Variants in MIGA1 observed in about 807,000 individuals in gnomAD.
MIGA1 encodes the protein family with sequence similarity 73, member A.
In MIGA1, 58 loss-of-function variants were observed where a neutral mutation model predicts 82.0. The ratio of observed to expected loss-of-function variants is 0.71; its 90% CI spans 0.57 to 0.88. MIGA1 has a LOEUF of 0.88. Among genes scored for constraint, MIGA1 ranks in the 40% least tolerant of loss-of-function variants. The pLI is 0.00. For missense variants in MIGA1, 751 were observed against 749.1 expected (o/e 1.00, Z -0.03); for synonymous variants, 249 against 253.6 (o/e 0.98, Z 0.17).
At chr1:77,848,451 G>A in intron 8 of MIGA1, 1 of 945,174 alleles carries the variant, frequency 1.1e-6, no homozygotes, top group Non-Finnish European at 1.6e-6. Context: ...AGAAAAACAA[G>A]AAGTAAGTGT....
chr1:77,840,297 T>C (rs1056466020), intron 7 of MIGA1, among the ~76,000 whole-genome samples: 1 of 152,196 alleles, frequency 6.6e-6, no homozygotes, highest in African/African-American at 2.4e-5. Flanking sequence ...GAGCCATTTT[T>C]CTTTGTTAGA....
rs1038256170 is a variant in MIGA1 at position 77,819,010 on chromosome 1, A to G, written c.895+3779A>G. On this transcript the variant is annotated intron_variant, in intron 7 of 15. Transcript: ENST00000370791. ...GAAGAGAATCGCTTGAACCCAGGAG[A>G]CGGAGGTTGCGGTGAGCTGAGATGG... Among the ~76,000 whole-genome samples the G allele has an allele frequency of 2.0e-5, 3 of 150,622 alleles. No homozygotes were observed. The East Asian group carries it at 5.9e-4, about 30-fold the overall frequency.
intron 11 of MIGA1, 62 bp from the exon 12 acceptor site, chr1:77,861,162 T>G: frequency 9.6e-7 from 1 of 1,045,682 alleles, no homozygotes; most frequent in Admixed American, 2.0e-5. Context: ...ATTTGAAGAG[T>G]AACTTTCTTT....
At chr1:77,820,744 A>C (rs1683774441) in intron 7 of MIGA1, among the ~76,000 whole-genome samples, 1 of 152,214 alleles carries the variant, frequency 6.6e-6, no homozygotes, top group Non-Finnish European at 1.5e-5. Flanking sequence ...CTCCATTAAA[A>C]AAAATTTCTT....
chr1:77,785,420 C>T (rs527655183), intron 2 of MIGA1, among the ~76,000 whole-genome samples: 17 of 151,990 alleles, frequency 1.1e-4, no homozygotes, highest in African/African-American at 3.1e-4. Flanking sequence ...CTTGGCTCAC[C>T]GCAACCTCTG....
At chr1:77,807,192 C>T (rs1038745898) in intron 5 of MIGA1, 91 bp downstream of exon 5, 17 of 1,001,982 alleles carry the variant, frequency 1.7e-5, no homozygotes, top group Non-Finnish European at 2.5e-5. Flanking sequence ...GACAGGGTCT[C>T]ACTCTGTCAC....
chr1:77,849,165 C>T (rs369616728), intron 8 of MIGA1, among the ~76,000 whole-genome samples: 56 of 152,094 alleles, frequency 3.7e-4, no homozygotes, highest in East Asian at 1.5e-3. Context: ...TTTGGGAGGC[C>T]GAGGCAGAAG....
chr1:77,846,153 C>T (rs1684832975), intron 8 of MIGA1, among the ~76,000 whole-genome samples: 1 of 152,136 alleles, frequency 6.6e-6, no homozygotes, highest in Non-Finnish European at 1.5e-5. Context: ...CTTTACCCCC[C>T]AGCCCTTGGC....
chr1:77,806,139 G>A (rs1397782818), intron 4 of MIGA1, among the ~76,000 whole-genome samples: 1 of 152,134 alleles, frequency 6.6e-6, no homozygotes, highest in Non-Finnish European at 1.5e-5. Context: ...TTCAGAAGCA[G>A]CATAATCTGT....
intron 2 of MIGA1, among the ~76,000 whole-genome samples, chr1:77,792,186 G>A (rs1682454670): frequency 6.6e-6 from 1 of 152,176 alleles, no homozygotes; most frequent in Non-Finnish European, 1.5e-5. Context: ...AAAAAGAGGA[G>A]ACTTGGTATG....
intron 7 of MIGA1, among the ~76,000 whole-genome samples, chr1:77,832,636 C>T (rs1340406153): frequency 6.6e-6 from 1 of 152,088 alleles, no homozygotes; most frequent in Non-Finnish European, 1.5e-5. Flanking sequence ...GATCAAGGTG[C>T]AGAGTGGAGC....
chr1:77,864,105 A>T lies in MIGA1; in HGVS notation c.1509+77A>T. The T allele has an allele frequency of 3.4e-6, 5 of 1,488,884 alleles. No individual in the cohort carries two copies. In the South Asian group the frequency reaches 6.2e-5, roughly 18 times the overall value. 92.2% of individuals were successfully genotyped at this position (1,488,884 alleles called of 1,614,324 possible). A position where few individuals can be genotyped will look rare whatever the true frequency, so the allele number is the denominator to read the frequency against. On this transcript the variant is annotated intron_variant, in intron 13 of 15. Transcript: ENST00000370791. Reference sequence around the variant, plus strand: ...GCTGGGCGCAGTAGCTCACGCCTGTAATCCCAGCACTTTGGGAGGCCAAGG... The same window carrying T: ...GCTGGGCGCAGTAGCTCACGCCTGTTATCCCAGCACTTTGGGAGGCCAAGG...
chr1:77,860,984 C>T (rs1571008850), intron 11 of MIGA1: 3 of 391,170 alleles, frequency 7.7e-6, no homozygotes, highest in South Asian at 8.1e-5. Context: ...CCAAAATAGG[C>T]ATACATATTT....
chr1:77,817,523 T>C (rs1382945564), intron 7 of MIGA1, among the ~76,000 whole-genome samples: 1 of 152,244 alleles, frequency 6.6e-6, no homozygotes, highest in Non-Finnish European at 1.5e-5. Context: ...TTCGTTGGCC[T>C]CCTGTTGCCC....
intron 13 of MIGA1, among the ~76,000 whole-genome samples, chr1:77,865,324 C>G (rs1685622142): frequency 6.6e-6 from 1 of 152,092 alleles, no homozygotes; most frequent in African/African-American, 2.4e-5. Context: ...GGTACAGTGA[C>G]TCATGCCTGT....
intron 5 of MIGA1, among the ~76,000 whole-genome samples, chr1:77,809,256 C>T (rs1486122149): frequency 1.3e-5 from 2 of 152,172 alleles, no homozygotes; most frequent in African/African-American, 4.8e-5. Context: ...CACCTGGTAT[C>T]ATCACCCATC....
In MIGA1 at chr1:77,815,365, T is replaced by A. The variant is rs1683532728; in HGVS notation, c.895+134T>A. The A allele has an allele frequency of 6.9e-6, 4 of 580,792 alleles. No individual in the cohort carries two copies. The East Asian group carries it at 1.5e-4, about 22-fold the overall frequency. 36.0% of individuals were successfully genotyped at this position (580,792 alleles called of 1,614,324 possible). ...AAAATAAACTAGCCAAGAGAAAAAA[T>A]TTTTATCATATTTCTTTTTTCTTTC... On this transcript the variant is annotated intron_variant, in intron 7 of 15. Coordinates refer to ENST00000370791, the MANE Select transcript of MIGA1 (RefSeq NM_198549.4).
intron 8 of MIGA1, among the ~76,000 whole-genome samples, chr1:77,850,769 G>A (rs147060792): frequency 7.4e-4 from 112 of 152,134 alleles, no homozygotes; most frequent in African/African-American, 2.5e-3. Flanking sequence ...CCCAAACACA[G>A]TTTTCACTGG....
At chr1:77,808,129 TC>T (rs2101776102) in intron 5 of MIGA1, among the ~76,000 whole-genome samples, 1 of 147,432 alleles carries the variant, frequency 6.8e-6, no homozygotes, top group African/African-American at 2.5e-5. Context: ...CACCTTTCTC[TC>T]TTTTTTTTTT....
Sources: gnomAD v4.1 joint callset for allele counts (sites outside exome capture counted in the v4.1 genomes callset) on GRCh38, gnomAD v4.1.1 for gene constraint, MANE v1.5 for transcripts, NCBI Gene and HGNC (gene_info 2026-07-23, HGNC 2026-07-21) for gene names.